ADAM7: variants seen among roughly 807,000 people sequenced by gnomAD.
The protein encoded by ADAM7 is disintegrin and metalloproteinase domain-containing protein 7.
ADAM7 carries 97 observed loss-of-function variants against 102.9 expected under a neutral mutation model. That is an observed-to-expected ratio of 0.94 (90% CI 0.80 to 1.12). The LOEUF is 1.12. Ranked by LOEUF, ADAM7 falls within the 50% of genes most tolerant of loss-of-function variation. ADAM7 has a pLI of 0.00. For synonymous variants in ADAM7, 334 were observed against 304.4 expected (o/e 1.10, Z -1.01); for missense variants, 991 against 908.7 (o/e 1.09, Z -1.16).
intron 16 of ADAM7, among the ~76,000 whole-genome samples, chr8:24,495,872 A>G (rs766853114): frequency 1.8e-4 from 28 of 152,232 alleles, no homozygotes; most frequent in Non-Finnish European, 2.9e-4. Context: ...TGTGATAGAA[A>G]AGAAAAACCC....
rs1818358789 is a variant in ADAM7 at position 24,441,114 on chromosome 8, T to C, written c.6T>C (p.Leu2=). 1 of 1,613,646 alleles carries C rather than the reference T, an allele frequency of 6.2e-7. No individual in the cohort carries two copies. Among genetic ancestry groups the C allele is most frequent in the African/African-American group, 1.3e-5 (1 of 74,882 alleles). M[L]PGCIFLMILL... ...CTCTACCAGAATCACTCAGAATGCT[T>C]CCCGGGTGTATATTCTTGATGATTT... is the stretch of plus-strand genomic sequence containing the variant. The change falls in exon 1 of 22, where the codon CTT becomes CTC. Residue 2 remains leucine, a synonymous_variant. Transcript: ENST00000175238.
Position 24,466,805 on chromosome 8 carries a change from C to A in ADAM7, c.396C>A (p.Phe132Leu). The A allele has an allele frequency of 1.9e-6, 3 of 1,612,312 alleles. No individual in the cohort carries two copies. The highest frequency in any genetic ancestry group is 2.5e-6 in the Non-Finnish European group (3 of 1,179,486). ...GTGTTCCCAATTTCTACAGGGGATT[C>A]TTCAGAATAAACGACCAAAGATACC... The part of the protein sequence containing the change: ...SISTCNGLRG[F>L]FRINDQRYLI... The change falls in exon 6 of 22, where the codon TTC becomes TTA. Residue 132 changes from phenylalanine (F) to leucine (L), a missense_variant. Phe to Leu is a conservative substitution (Grantham distance 22). Transcript: ENST00000175238.
At chr8:24,457,467 G>A (rs1306985978) in intron 3 of ADAM7, among the ~76,000 whole-genome samples, 1 of 151,966 alleles carries the variant, frequency 6.6e-6, no homozygotes, top group East Asian at 1.9e-4. Flanking sequence ...GTAGAGATGG[G>A]GTTTCACCGT....
chr8:24,493,333 G>T, intron 16 of ADAM7, 104 bp downstream of exon 16: 1 of 1,010,774 alleles, frequency 9.9e-7, no homozygotes, highest in South Asian at 2.5e-5. Context: ...TATGGAAAAG[G>T]AAAAAATATT....
intron 3 of ADAM7, among the ~76,000 whole-genome samples, chr8:24,449,750 C>T (rs942263120): frequency 3.9e-5 from 6 of 152,124 alleles, no homozygotes; most frequent in Non-Finnish European, 5.9e-5. Context: ...ATGGTAATGC[C>T]TAGGTTTTCT....
intron 5 of ADAM7, among the ~76,000 whole-genome samples, chr8:24,466,191 T>A (rs1819418566): frequency 6.6e-6 from 1 of 152,178 alleles, no homozygotes; most frequent in African/African-American, 2.4e-5. Context: ...CTTGACTCTT[T>A]TAGCTTTTTA....
At chr8:24,450,361 T>C (rs1818735127) in intron 3 of ADAM7, among the ~76,000 whole-genome samples, 1 of 152,202 alleles carries the variant, frequency 6.6e-6, no homozygotes, top group Admixed American at 6.5e-5. Flanking sequence ...GAAGAGGTCC[T>C]TCACGTCCCT....
intron 16 of ADAM7, among the ~76,000 whole-genome samples, chr8:24,495,881 C>T (rs542341842): frequency 7.2e-4 from 109 of 152,250 alleles, no homozygotes; most frequent in African/African-American, 2.3e-3. Flanking sequence ...AAAGAAAAAC[C>T]CATTTTCTGA....
At chr8:24,454,736 G>A (rs199941498) in intron 3 of ADAM7, among the ~76,000 whole-genome samples, 14 of 152,204 alleles carry the variant, frequency 9.2e-5, no homozygotes, top group South Asian at 6.2e-4. Context: ...GAAATCACCC[G>A]TCTTCTGCAT....
intron 14 of ADAM7, 66 bp downstream of exon 14, chr8:24,492,164 T>C (rs1309135611): frequency 3.4e-6 from 5 of 1,474,822 alleles, no homozygotes; most frequent in African/African-American, 1.4e-5. Flanking sequence ...TATTGCCCTG[T>C]AGGAATTGGG....
chr8:24,449,613 G>C (rs1818702298), intron 3 of ADAM7, among the ~76,000 whole-genome samples: 1 of 152,150 alleles, frequency 6.6e-6, no homozygotes, highest in South Asian at 2.1e-4. Flanking sequence ...TGTTCACTCT[G>C]ATAGTAGTTT....
chr8:24,498,317 T>C (rs867990052), intron 16 of ADAM7, among the ~76,000 whole-genome samples: 2 of 151,716 alleles, frequency 1.3e-5, no homozygotes, highest in African/African-American at 2.4e-5. Context: ...AGTAAAAACA[T>C]GATAAATTTC....
intron 13 of ADAM7, among the ~76,000 whole-genome samples, chr8:24,491,565 G>A (rs1017507662): frequency 2.0e-4 from 31 of 152,100 alleles, no homozygotes; most frequent in African/African-American, 7.2e-4. Flanking sequence ...CCCAATTCGA[G>A]GTGGGTAGGG....
At position 24,441,171 on chromosome 8, in the gene ADAM7, C is replaced by T. The variant is rs571617484; in HGVS notation, c.52+11C>T. 3.7e-4 allele frequency: 587 copies of T among 1,606,862 alleles called. 6 individuals carry two copies. The South Asian group carries it at 6.1e-3, about 17-fold the overall frequency. On this transcript the variant is annotated intron_variant, in intron 1 of 21. Transcript: ENST00000175238. ...TTCCTCAGGTTAAAGGTATGTCTTG[C>T]TCTTTTTATCAGGACTTTCTTATTA... is the stretch of plus-strand genomic sequence containing the variant.
At chr8:24,508,210 A>T (rs1322656544) in intron 21 of ADAM7, among the ~76,000 whole-genome samples, 2 of 152,140 alleles carry the variant, frequency 1.3e-5, no homozygotes, top group Non-Finnish European at 2.9e-5. Flanking sequence ...GCCCACCTCC[A>T]CCGAAAAGCA....
intron 20 of ADAM7, 52 bp from the exon 21 acceptor site, chr8:24,507,428 T>G: frequency 6.9e-7 from 1 of 1,454,670 alleles, no homozygotes; most frequent in Non-Finnish European, 9.7e-7. Flanking sequence ...TGGATGCCCA[T>G]GCGTGTAACA....
chr8:24,462,232 A>G (rs867137245), intron 3 of ADAM7, among the ~76,000 whole-genome samples: 4 of 152,154 alleles, frequency 2.6e-5, no homozygotes, highest in African/African-American at 7.2e-5. Flanking sequence ...GCTACTTTTA[A>G]TCTATCCTTC....
chr8:24,507,340 G>C (rs1056765518), intron 20 of ADAM7, 140 bp from the exon 21 acceptor site: 1 of 630,270 alleles, frequency 1.6e-6, no homozygotes, highest in East Asian at 2.8e-5. Flanking sequence ...AAACTGTCTT[G>C]GATTTTTCAT....
intron 3 of ADAM7, among the ~76,000 whole-genome samples, chr8:24,457,650 A>G (rs987916557): frequency 6.6e-6 from 1 of 152,162 alleles, no homozygotes; most frequent in East Asian, 1.9e-4. Flanking sequence ...ATTTCTAAAA[A>G]TTGTGTCTTT....
Sources: gnomAD v4.1 joint callset for allele counts (sites outside exome capture counted in the v4.1 genomes callset) on GRCh38, gnomAD v4.1.1 for gene constraint, MANE v1.5 for transcripts, NCBI Gene and HGNC (gene_info 2026-07-23, HGNC 2026-07-21) for gene names.